Variants in SGPP2 observed in about 807,000 individuals in gnomAD.
SGPP2 encodes sphingosine-1-phosphate phosphatase 2, also known as sphingosine 1-phosphate phosphohydrolase 2.
Under a neutral mutation model 33.9 loss-of-function variants are expected in SGPP2, and 30 were observed. The ratio of observed to expected loss-of-function variants is 0.89; its 90% CI spans 0.66 to 1.20. SGPP2 has a LOEUF of 1.20. SGPP2 is among the 50% of genes most tolerant of loss of function. The pLI is 0.00. For missense variants in SGPP2, 458 were observed against 532.1 expected (o/e 0.86, Z 1.37); for synonymous variants, 233 against 225.0 (o/e 1.04, Z -0.32).
chr2:222,439,193 G>A (rs1319279493), intron 1 of SGPP2, among the ~76,000 whole-genome samples: 2 of 152,112 alleles, frequency 1.3e-5, no homozygotes, highest in African/African-American at 4.8e-5. Context: ...CAGTTACCCT[G>A]GTGAAAGGCC....
At chr2:222,432,992 G>A (rs1462421519) in intron 1 of SGPP2, among the ~76,000 whole-genome samples, 2 of 149,810 alleles carry the variant, frequency 1.3e-5, no homozygotes, top group Non-Finnish European at 3.0e-5. Context: ...TTGCACTCCA[G>A]CCTGGGCAAT....
chr2:222,459,716 C>T (rs1010465928), intron 1 of SGPP2, among the ~76,000 whole-genome samples: 1 of 152,056 alleles, frequency 6.6e-6, no homozygotes, highest in Non-Finnish European at 1.5e-5. Context: ...CTCTATCTAC[C>T]ATTCTGAAAT....
chr2:222,434,121 G>A (rs1697199840), intron 1 of SGPP2, among the ~76,000 whole-genome samples: 1 of 152,156 alleles, frequency 6.6e-6, no homozygotes. Flanking sequence ...AACGCATCAA[G>A]AGTGTTCCTG....
intron 2 of SGPP2, among the ~76,000 whole-genome samples, chr2:222,490,815 A>G (rs1435367692): frequency 6.6e-6 from 1 of 152,152 alleles, no homozygotes; most frequent in African/African-American, 2.4e-5. Context: ...AATCCTTTTA[A>G]AAGCATCTCA....
At chr2:222,458,395 C>T (rs972211259) in intron 1 of SGPP2, among the ~76,000 whole-genome samples, 2 of 152,040 alleles carry the variant, frequency 1.3e-5, no homozygotes, top group Non-Finnish European at 1.5e-5. Flanking sequence ...TTAACATTCC[C>T]GTGATAACAT....
intron 2 of SGPP2, among the ~76,000 whole-genome samples, chr2:222,500,379 G>A (rs1398460569): frequency 2.0e-5 from 3 of 152,120 alleles, no homozygotes; most frequent in African/African-American, 4.8e-5. Flanking sequence ...AAGGGAGGGA[G>A]CAATGAGGAG....
At position 222,562,518 on chromosome 2, in the gene SGPP2, A is replaced by T. The variant is rs1056337572; in HGVS notation, c.*3620A>T. On this transcript the variant is annotated 3_prime_UTR_variant, in exon 5 of 5. Transcript: ENST00000321276. ...TTGGGGCCATATGCACCAGGTTTCTATTTTAGAAACCTTCAGCTGTCTTGC... is the reference window on the plus strand; with the variant it reads ...TTGGGGCCATATGCACCAGGTTTCTTTTTTAGAAACCTTCAGCTGTCTTGC... Among the ~76,000 whole-genome samples the T allele has an allele frequency of 1.5e-4, 23 of 152,312 alleles. No individual in the cohort carries two copies. Among genetic ancestry groups the T allele is most frequent in the African/African-American group, 5.5e-4 (23 of 41,566 alleles).
chr2:222,443,528 G>A lies in SGPP2; in HGVS notation c.219+18707G>A, dbSNP rs1697355908. On this transcript the variant is annotated intron_variant, in intron 1 of 4. Transcript: ENST00000321276. ...TTCCAAAGAAAAGGATTTATGAGGG[G>A]CTACCGTAGAGAAAAGGAATAATGA... 1.3e-5 allele frequency among the ~76,000 whole-genome samples: 2 copies of A among 152,162 alleles called. 1 individual carries two copies. Among genetic ancestry groups the A allele is most frequent in the South Asian group, 4.1e-4 (2 of 4,820 alleles).
chr2:222,487,258 C>T (rs1698125683), intron 2 of SGPP2, among the ~76,000 whole-genome samples: 1 of 152,142 alleles, frequency 6.6e-6, no homozygotes, highest in African/African-American at 2.4e-5. Context: ...TTTTACCTAG[C>T]CCATGTTTTT....
intron 4 of SGPP2, among the ~76,000 whole-genome samples, chr2:222,537,827 GTAT>G (rs1487775610): frequency 6.6e-6 from 1 of 152,144 alleles, no homozygotes; most frequent in East Asian, 1.9e-4. Context: ...GAAATGAATG[GTAT>G]TATCAAGATA....
In SGPP2 at chr2:222,470,234, TAACA is replaced by T. The variant is rs1172640078; in HGVS notation, c.220-4330_220-4327del. On this transcript the variant is annotated intron_variant, in intron 1 of 4. Transcript: ENST00000321276. ...CCACCATGGCACACGCATACCTGTG[TAACA>T]AACCTGCACGATCTGCACATGTATC... Among the ~76,000 whole-genome samples, 3 of 152,238 alleles carry T rather than the reference TAACA, an allele frequency of 2.0e-5. No homozygotes were observed. The East Asian group carries it at 5.8e-4, about 29-fold the overall frequency.
chr2:222,496,946 C>T (rs1390339044), intron 2 of SGPP2, among the ~76,000 whole-genome samples: 2 of 152,092 alleles, frequency 1.3e-5, no homozygotes, highest in Non-Finnish European at 2.9e-5. Flanking sequence ...AAGAGATGTC[C>T]CCTACAGAAG....
intron 1 of SGPP2, among the ~76,000 whole-genome samples, chr2:222,438,280 T>G (rs1197972792): frequency 6.6e-6 from 1 of 152,256 alleles, no homozygotes; most frequent in African/African-American, 2.4e-5. Context: ...TTAGTCGGGC[T>G]TATTTCCCAT....
At chr2:222,471,335 C>T (rs777737142) in intron 1 of SGPP2, among the ~76,000 whole-genome samples, 10 of 152,074 alleles carry the variant, frequency 6.6e-5, no homozygotes, top group Non-Finnish European at 1.5e-4. Flanking sequence ...AAACTGGGAA[C>T]CTCTTAGTGA....
At chr2:222,471,173 G>GT (rs1697834230) in intron 1 of SGPP2, among the ~76,000 whole-genome samples, 1 of 152,160 alleles carries the variant, frequency 6.6e-6, no homozygotes, top group Non-Finnish European at 1.5e-5. Flanking sequence ...CCCCTGACCA[G>GT]TAACTGTCTC....
At chr2:222,555,666 A>G (rs1297938497) in intron 4 of SGPP2, among the ~76,000 whole-genome samples, 1 of 152,152 alleles carries the variant, frequency 6.6e-6, no homozygotes, top group Non-Finnish European at 1.5e-5. Context: ...GAAACACACA[A>G]GGCTCAAAGA....
intron 2 of SGPP2, among the ~76,000 whole-genome samples, chr2:222,488,199 A>G (rs1698141763): frequency 6.6e-6 from 1 of 152,146 alleles, no homozygotes; most frequent in Admixed American, 6.5e-5. Context: ...GAGAGGACGC[A>G]ATCATTAATG....
chr2:222,546,151 G>A (rs1187467869), intron 4 of SGPP2, among the ~76,000 whole-genome samples: 4 of 152,066 alleles, frequency 2.6e-5, no homozygotes, highest in Admixed American at 2.6e-4. Context: ...ATTCACACAG[G>A]GTTTCCAGTA....
At chr2:222,429,392 C>T (rs939273724) in intron 1 of SGPP2, among the ~76,000 whole-genome samples, 23 of 152,148 alleles carry the variant, frequency 1.5e-4, no homozygotes, top group African/African-American at 5.6e-4. Context: ...GATCAGACTG[C>T]AAGTTTTTAT....
Sources: gnomAD v4.1 joint callset for allele counts (sites outside exome capture counted in the v4.1 genomes callset) on GRCh38, gnomAD v4.1.1 for gene constraint, MANE v1.5 for transcripts, NCBI Gene and HGNC (gene_info 2026-07-23, HGNC 2026-07-21) for gene names.